ARMC8: variants seen among roughly 807,000 people sequenced by gnomAD.
ARMC8 encodes the protein armadillo repeat containing 8.
Under a neutral mutation model 99.3 loss-of-function variants are expected in ARMC8, and 20 were observed. The observed-to-expected ratio is 0.20, with a 90% CI of 0.14 to 0.29. The LOEUF (loss-of-function observed/expected upper bound fraction) is 0.29, where lower values mean the gene tolerates loss of function less well. Ranked by LOEUF, ARMC8 falls within the 10% of genes least tolerant of loss-of-function variation. ARMC8 has a pLI of 1.00. For synonymous variants in ARMC8, 263 were observed against 278.3 expected (o/e 0.95, Z 0.55); for missense variants, 569 against 809.5 (o/e 0.70, Z 3.60).
intron 2 of ARMC8, among the ~76,000 whole-genome samples, chr3:138,217,652 G>T (rs1438921490): frequency 1.3e-5 from 2 of 152,128 alleles, no homozygotes; most frequent in Non-Finnish European, 2.9e-5. Context: ...GCAAATTTAA[G>T]ATTTTAGCCA....
intron 6 of ARMC8, 32 bp downstream of exon 6, chr3:138,229,042 TA>T: frequency 6.6e-7 from 1 of 1,508,848 alleles, no homozygotes; most frequent in Non-Finnish European, 9.1e-7. Flanking sequence ...ATCTATAATG[TA>T]AAATCTTATT....
At chr3:138,239,911 A>G (rs2046525798) in intron 10 of ARMC8, among the ~76,000 whole-genome samples, 1 of 152,228 alleles carries the variant, frequency 6.6e-6, no homozygotes, top group Non-Finnish European at 1.5e-5. Context: ...AAGACTTTAT[A>G]TCATTCTCAT....
At chr3:138,196,594 C>T (rs1229159895) in intron 1 of ARMC8, among the ~76,000 whole-genome samples, 4 of 152,160 alleles carry the variant, frequency 2.6e-5, no homozygotes, top group Non-Finnish European at 5.9e-5. Flanking sequence ...AAAAGCCAGG[C>T]ACGGTGATTC....
intron 12 of ARMC8, among the ~76,000 whole-genome samples, chr3:138,257,136 A>G (rs181111817): frequency 1.3e-5 from 2 of 152,392 alleles, no homozygotes; most frequent in East Asian, 1.9e-4. Context: ...AGTTAAGTCC[A>G]CTGCATTAAG....
intron 2 of ARMC8, 92 bp from the exon 3 acceptor site, chr3:138,221,834 A>T: frequency 9.9e-7 from 1 of 1,008,218 alleles, no homozygotes; most frequent in South Asian, 1.4e-5. Context: ...TACTTTGTCA[A>T]ATCTAAGATA....
Position 138,201,674 on chromosome 3 carries a change from T to A in ARMC8, c.46-8143T>A, listed in dbSNP as rs548572235. Among the ~76,000 whole-genome samples the A allele has an allele frequency of 4.6e-4, 70 of 152,044 alleles. No homozygotes were observed. The South Asian group carries it at 0.014, about 31-fold the overall frequency. On this transcript the variant is annotated intron_variant, in intron 1 of 21. Coordinates refer to ENST00000469044, the MANE Select transcript of ARMC8 (RefSeq NM_001363941.2). Reference sequence around the variant, plus strand: ...CGGTGTTTCACCATGTTGGTCAGGTTGGTCTTGAACTCCTGACCTCACTCT... The same window carrying A: ...CGGTGTTTCACCATGTTGGTCAGGTAGGTCTTGAACTCCTGACCTCACTCT...
Position 138,268,135 on chromosome 3 carries a change from C to G in ARMC8, c.1386+894C>G, listed in dbSNP as rs569282913. ...GTGCATGCTTGTAATCCCAGCTACT[C>G]GGGAGGCTGAGGCAAGAGAATCACT... On this transcript the variant is annotated intron_variant, in intron 15 of 21. Transcript: ENST00000469044. Among the ~76,000 whole-genome samples, 263 of 152,012 alleles carry G rather than the reference C, an allele frequency of 1.7e-3. 1 individual carries two copies. Among genetic ancestry groups the G allele is most frequent in the African/African-American group, 5.9e-3 (246 of 41,458 alleles).
At chr3:138,260,862 G>A (rs984927522) in intron 12 of ARMC8, among the ~76,000 whole-genome samples, 6 of 152,128 alleles carry the variant, frequency 3.9e-5, no homozygotes, top group African/African-American at 9.7e-5. Context: ...CAATCCATCC[G>A]TACTTCTACC....
At position 138,204,396 on chromosome 3, in the gene ARMC8, T is replaced by A. The variant is rs148975848; in HGVS notation, c.46-5421T>A. Among the ~76,000 whole-genome samples, 1,044 of 152,324 alleles carry A rather than the reference T, an allele frequency of 6.9e-3. 20 individuals carry two copies. The highest frequency in any genetic ancestry group is 0.024 in the African/African-American group (979 of 41,572). ...AAATTGTCTTCTCTATTAAAACATT[T>A]CCGTCAATGAATAAGCATGCTCCAA... On this transcript the variant is annotated intron_variant, in intron 1 of 21. Transcript: ENST00000469044.
intron 2 of ARMC8, among the ~76,000 whole-genome samples, chr3:138,212,992 G>T (rs1054575426): frequency 3.3e-5 from 5 of 152,166 alleles, no homozygotes; most frequent in African/African-American, 1.2e-4. Context: ...CATATACGAG[G>T]CATGGTGGAA....
intron 17 of ARMC8, among the ~76,000 whole-genome samples, chr3:138,274,233 A>G (rs76520389): frequency 0.016 from 2,333 of 142,342 alleles, 62 homozygotes; most frequent in African/African-American, 0.061. Context: ...GTGTATATAC[A>G]TGTGTGTGTG....
intron 1 of ARMC8, among the ~76,000 whole-genome samples, chr3:138,195,549 A>G (rs943118315): frequency 4.6e-5 from 7 of 152,072 alleles, no homozygotes; most frequent in Non-Finnish European, 8.8e-5. Context: ...ATCACCTCCT[A>G]TTTTCGCTAA....
At chr3:138,267,559 A>G (rs984767816) in intron 15 of ARMC8, among the ~76,000 whole-genome samples, 2 of 152,244 alleles carry the variant, frequency 1.3e-5, no homozygotes, top group Non-Finnish European at 2.9e-5. Flanking sequence ...TTCTCAGGCT[A>G]TCTTTACTAA....
At chr3:138,190,377 C>G (rs1366605520) in intron 1 of ARMC8, among the ~76,000 whole-genome samples, 2 of 150,878 alleles carry the variant, frequency 1.3e-5, no homozygotes, top group Non-Finnish European at 2.9e-5. Context: ...ACCACCGCCT[C>G]CGGGGTTCAA....
intron 15 of ARMC8, 77 bp from the exon 16 acceptor site, chr3:138,269,963 G>A: frequency 1.1e-6 from 1 of 927,530 alleles, no homozygotes; most frequent in Non-Finnish European, 1.7e-6. Flanking sequence ...AAATCACAAA[G>A]TGCCAAGGTA....
chr3:138,238,267 A>C (rs1302267172), intron 9 of ARMC8: 1 of 152,206 alleles, frequency 6.6e-6, no homozygotes, highest in Non-Finnish European at 1.5e-5. Flanking sequence ...GGGTTTCACC[A>C]TGTTGGTCAG....
Position 138,274,496 on chromosome 3 carries a change from C to T in ARMC8, c.1677C>T (p.Ala559=), listed in dbSNP as rs1190321506. 8 of 1,613,042 alleles carry T rather than the reference C, an allele frequency of 5.0e-6. No homozygotes were observed. The highest frequency in any genetic ancestry group is 1.7e-4 in the Middle Eastern group (1 of 6,058). Residue 559 remains alanine, a synonymous_variant, in exon 18 of 22, where the codon GCC becomes GCT. Coordinates refer to ENST00000469044, the MANE Select transcript of ARMC8 (RefSeq NM_001363941.2). The part of the protein sequence containing the change: ...MSTHGKQIMQ[A]VTLILEGEHN... ...CTCATGGAAAGCAAATTATGCAAGC[C>T]GTCACTCTTATTCTAGAAGGGGAAC...
intron 11 of ARMC8, 64 bp from the exon 12 acceptor site, chr3:138,245,024 A>G (rs759906594): frequency 7.7e-5 from 121 of 1,562,486 alleles, no homozygotes; most frequent in Non-Finnish European, 1.0e-4. Context: ...TCTTCAACTC[A>G]GTTAATGTTA....
At chr3:138,223,828 T>C (rs1385646939) in intron 5 of ARMC8, 95 bp downstream of exon 5, 13 of 1,094,508 alleles carry the variant, frequency 1.2e-5, no homozygotes, top group Admixed American at 1.9e-5. Context: ...AACTGTGTTA[T>C]GTAAAAAAGT....
Sources: allele counts gnomAD v4.1 joint callset (sites outside exome capture counted in the v4.1 genomes callset), GRCh38; gene constraint gnomAD v4.1.1; transcripts MANE v1.5; gene names NCBI Gene and HGNC (gene_info 2026-07-23, HGNC 2026-07-21).